Variants in CHODL observed in about 807,000 individuals in gnomAD.
CHODL encodes the protein chondrolectin.
CHODL carries 29 observed loss-of-function variants against 34.5 expected under a neutral mutation model. The observed-to-expected ratio is 0.84, with a 90% confidence interval of 0.63 to 1.15. The LOEUF (loss-of-function observed/expected upper bound fraction) is 1.15. Ranked by LOEUF, CHODL falls within the 50% of genes most tolerant of loss-of-function variation. The probability of loss-of-function intolerance (pLI) is 0.00; values close to 1 mark genes in which losing one functional copy is unlikely to be tolerated. For missense variants in CHODL, 332 were observed against 332.5 expected, an observed-to-expected ratio of 1.00 and a Z score of 0.01; for synonymous variants, 125 against 116.1, an observed-to-expected ratio of 1.08 and a Z score of -0.49.
intron 2 of CHODL, among the ~76,000 whole-genome samples, chr21:18,105,329 C>G (rs1306800145): frequency 6.6e-6 from 1 of 152,198 alleles, no homozygotes; most frequent in African/African-American, 2.4e-5. Flanking sequence ...GGTATTCATA[C>G]TAGACTTGCT....
intron 1 of CHODL, among the ~76,000 whole-genome samples, chr21:17,920,688 G>T (rs1208150221): frequency 6.6e-6 from 1 of 152,142 alleles, no homozygotes; most frequent in Non-Finnish European, 1.5e-5. Context: ...CTCAATAAAT[G>T]GTAGCTATTA....
At chr21:17,969,560 A>G (rs2063598156) in intron 1 of CHODL, among the ~76,000 whole-genome samples, 1 of 152,208 alleles carries the variant, frequency 6.6e-6, no homozygotes. Flanking sequence ...ATTTTGAGAA[A>G]GTCATATTTT....
At position 18,118,576 on chromosome 21, in the gene CHODL, G is replaced by C. The variant is rs904783953; in HGVS notation, c.-45+90605G>C. On this transcript the variant is annotated intron_variant, in intron 2 of 6. Coordinates refer to the CHODL transcript ENST00000400127. ...TAATGTTTCTAAGATGTTAACAAAT[G>C]CATCTTAAATGGGTCCTATATTTCA... Among the ~76,000 whole-genome samples, 5 of 152,214 alleles carry C rather than the reference G, an allele frequency of 3.3e-5. No homozygotes were observed. The East Asian group carries it at 9.6e-4, about 29-fold the overall frequency.
chr21:18,116,544 C>CT (rs1568894602), intron 2 of CHODL, among the ~76,000 whole-genome samples: 1 of 152,106 alleles, frequency 6.6e-6, no homozygotes, highest in Admixed American at 6.5e-5. Context: ...CTTTTATTTT[C>CT]TTTTTTGTTT....
chr21:18,046,308 G>C (rs1015268225), intron 2 of CHODL, among the ~76,000 whole-genome samples: 2 of 151,938 alleles, frequency 1.3e-5, no homozygotes, highest in Non-Finnish European at 2.9e-5. Context: ...GCAGTGCAAA[G>C]AGTGGGCTGT....
At chr21:18,221,990 C>G (rs1415833602) in intron 2 of CHODL, among the ~76,000 whole-genome samples, 1 of 152,186 alleles carries the variant, frequency 6.6e-6, no homozygotes, top group Non-Finnish European at 1.5e-5. Flanking sequence ...AGTGGGGTTG[C>G]TCTGTCAGCC....
chr21:18,156,072 G>A (rs1318675432), intron 2 of CHODL, among the ~76,000 whole-genome samples: 1 of 152,200 alleles, frequency 6.6e-6, no homozygotes, highest in African/African-American at 2.4e-5. Flanking sequence ...AGTATGACCT[G>A]ACGTATTTCT....
At chr21:17,958,866 T>C (rs1028211882) in intron 1 of CHODL, among the ~76,000 whole-genome samples, 4 of 151,948 alleles carry the variant, frequency 2.6e-5, no homozygotes, top group African/African-American at 9.7e-5. Flanking sequence ...TGGTCCAGAG[T>C]GGTTCAGTGT....
chr21:18,233,186 G>A (rs190236104), intron 2 of CHODL, among the ~76,000 whole-genome samples: 12 of 151,880 alleles, frequency 7.9e-5, no homozygotes, highest in Non-Finnish European at 1.8e-4. Flanking sequence ...GAGATGGATT[G>A]CTTTAGATTC....
intron 1 of CHODL, among the ~76,000 whole-genome samples, chr21:18,017,877 T>C (rs1420222104): frequency 6.6e-6 from 1 of 152,242 alleles, no homozygotes; most frequent in Non-Finnish European, 1.5e-5. Flanking sequence ...GCCTGAACAC[T>C]GCAACGCCAG....
chr21:17,942,472 G>A (rs1307385135), intron 1 of CHODL, among the ~76,000 whole-genome samples: 1 of 152,178 alleles, frequency 6.6e-6, no homozygotes, highest in African/African-American at 2.4e-5. Context: ...GGATTGTGAG[G>A]CCTCCCTGGC....
At chr21:18,099,348 G>T (rs1272059046) in intron 2 of CHODL, among the ~76,000 whole-genome samples, 1 of 151,536 alleles carries the variant, frequency 6.6e-6, no homozygotes, top group Non-Finnish European at 1.5e-5. Flanking sequence ...CATGTACCCT[G>T]TAAATATGTA....
intron 2 of CHODL, among the ~76,000 whole-genome samples, chr21:18,219,657 T>A (rs2073863954): frequency 1.3e-5 from 2 of 152,332 alleles, no homozygotes; most frequent in Non-Finnish European, 2.9e-5. Flanking sequence ...GTGGTGTTGA[T>A]TTGTATTTCC....
intron 2 of CHODL, among the ~76,000 whole-genome samples, chr21:18,206,129 C>T (rs80253535): frequency 0.077 from 11,726 of 152,116 alleles, 578 homozygotes; most frequent in South Asian, 0.13. Context: ...TAAAATGTTC[C>T]GTAAATATCT....
At chr21:18,074,375 A>AT (rs2064840306) in intron 2 of CHODL, among the ~76,000 whole-genome samples, 2 of 152,318 alleles carry the variant, frequency 1.3e-5, no homozygotes, top group African/African-American at 4.8e-5. Context: ...GAATTTCTAA[A>AT]TTAGACTGTT....
intron 2 of CHODL, among the ~76,000 whole-genome samples, chr21:18,185,065 G>A (rs1355658488): frequency 2.0e-5 from 3 of 151,910 alleles, no homozygotes; most frequent in Non-Finnish European, 4.4e-5. Flanking sequence ...GGATACATGT[G>A]CAGAACGTGC....
intron 1 of CHODL, among the ~76,000 whole-genome samples, chr21:18,018,357 C>G (rs560606157): frequency 1.4e-4 from 22 of 152,084 alleles, no homozygotes; most frequent in African/African-American, 5.3e-4. Flanking sequence ...ATTGTAATCC[C>G]CAATGCTGGA....
At chr21:18,173,499 C>T (rs1243251560) in intron 2 of CHODL, among the ~76,000 whole-genome samples, 1 of 152,154 alleles carries the variant, frequency 6.6e-6, no homozygotes, top group Non-Finnish European at 1.5e-5. Context: ...AGAGTAATAG[C>T]ATACTGACTA....
chr21:18,134,761 G>A (rs1601049873), intron 2 of CHODL, among the ~76,000 whole-genome samples: 1 of 152,066 alleles, frequency 6.6e-6, no homozygotes, highest in African/African-American at 2.4e-5. Flanking sequence ...TGCACATTTG[G>A]GTGACACTTT....
Sources: gnomAD v4.1 joint callset for allele counts (sites outside exome capture counted in the v4.1 genomes callset) on GRCh38, gnomAD v4.1.1 for gene constraint, MANE v1.5 for transcripts, NCBI Gene and HGNC (gene_info 2026-07-23, HGNC 2026-07-21) for gene names.